ZNF586: variants seen among roughly 807,000 people sequenced by gnomAD.
ZNF586 encodes the protein zinc finger protein 586.
In ZNF586, 7 loss-of-function variants were observed where a neutral mutation model predicts 6.7. The observed-to-expected ratio is 1.04, with a 90% CI of 0.59 to 1.95. The LOEUF (loss-of-function observed/expected upper bound fraction) is 1.95. ZNF586 is among the 30% of genes most tolerant of loss of function. ZNF586 has a pLI of 0.00. For synonymous variants in ZNF586, 166 were observed against 168.7 expected, an observed-to-expected ratio of 0.98 and a Z score of 0.12; for missense variants, 442 against 489.6, an observed-to-expected ratio of 0.90 and a Z score of 0.92.
chr19:57,778,127 A>G (rs566544457), intron 2 of ZNF586, among the ~76,000 whole-genome samples: 3 of 145,358 alleles, frequency 2.1e-5, no homozygotes, highest in Admixed American at 1.4e-4. Context: ...GCTGGAGTGC[A>G]GTGGCACAGT....
chr19:57,776,712 C>T (rs375294114), intron 2 of ZNF586, 43 bp downstream of exon 2: 2 of 1,549,254 alleles, frequency 1.3e-6, no homozygotes, highest in African/African-American at 2.8e-5. Context: ...TAGTCTGTGC[C>T]CCTCACCTTT....
chr19:57,776,750 C>T (rs1987248109), intron 2 of ZNF586, 81 bp downstream of exon 2: 1 of 1,434,518 alleles, frequency 7.0e-7, no homozygotes, highest in Admixed American at 2.3e-5. Flanking sequence ...CACACCAGGA[C>T]CATGGACACA....
In ZNF586 at chr19:57,778,962, C is replaced by A; in HGVS notation, c.375C>A (p.Ser125Arg). ...VRTGERPYEC[S>R]KYGKLFHQKP... ...CTGGAGAAAGGCCTTATGAGTGCAG[C>A]AAATATGGGAAATTATTTCACCAAA... Residue 125 changes from serine to arginine, a missense_variant, in exon 3 of 3, where the codon AGC becomes AGA. Transcript: ENST00000396154. 6.2e-7 allele frequency: 1 copy of A among 1,611,916 alleles called. No homozygotes were observed. The highest frequency in any genetic ancestry group is 1.7e-4 in the Middle Eastern group (1 of 6,054).
chr19:57,770,452 G>A (rs1210601021), intron 1 of ZNF586, among the ~76,000 whole-genome samples: 1 of 152,202 alleles, frequency 6.6e-6, no homozygotes, highest in African/African-American at 2.4e-5. Flanking sequence ...TCAGTACCAG[G>A]CTGAGGGTTG....
At position 57,779,666 on chromosome 19, in the gene ZNF586, T is replaced by G. The variant is rs1568484589; in HGVS notation, c.1079T>G (p.Leu360Arg). The change falls in exon 3 of 3, where the codon CTT (leucine) becomes CGT (arginine). Residue 360 changes from leucine (L) to arginine (R), a missense_variant. Coordinates refer to ENST00000396154, the MANE Select transcript of ZNF586 (RefSeq NM_017652.4). ...CGKSFAENSS[L>R]IKHLRVHTGE... is the part of the protein sequence containing the mutation. The stretch of plus-strand genomic sequence containing the variant: ...AAATCCTTTGCTGAAAACTCCAGCC[T>G]TATTAAACACTTGAGAGTTCACACT... 6 of 1,613,838 alleles carry G rather than the reference T, an allele frequency of 3.7e-6. No homozygotes were observed. Among genetic ancestry groups the G allele is most frequent in the Non-Finnish European group, 5.1e-6 (6 of 1,179,768 alleles).
chr19:57,775,003 CTTT>C (rs11310885), intron 1 of ZNF586, among the ~76,000 whole-genome samples: 6 of 141,706 alleles, frequency 4.2e-5, no homozygotes, highest in Admixed American at 7.0e-5. Flanking sequence ...TTCTTTTTTT[CTTT>C]TTTTTTTTTT....
chr19:57,778,894 C>T lies in ZNF586; in HGVS notation c.307C>T (p.Leu103Phe). 6.2e-7 allele frequency: 1 copy of T among 1,614,142 alleles called. No individual in the cohort carries two copies. Among genetic ancestry groups the T allele is most frequent in the African/African-American group, 1.3e-5 (1 of 75,012 alleles). The change falls in exon 3 of 3, where the codon CTC becomes TTC. Residue 103 changes from leucine (L) to phenylalanine (F), a missense_variant. Leu to Phe is a conservative substitution (Grantham distance 22). Coordinates refer to ENST00000396154, the MANE Select transcript of ZNF586 (RefSeq NM_017652.4). Reference sequence around the variant, plus strand: ...GAAATTATTTAAGAACAAGTCCTGCCTCACTGAACCCAGAAGAGATCACAA... The same window carrying T: ...GAAATTATTTAAGAACAAGTCCTGCTTCACTGAACCCAGAAGAGATCACAA... ...YRKLFKNKSC[L>F]TEPRRDHKHR...
chr19:57,772,493 C>T (rs1173629819), intron 1 of ZNF586, among the ~76,000 whole-genome samples: 1 of 105,708 alleles, frequency 9.5e-6, no homozygotes, highest in Non-Finnish European at 1.8e-5. Flanking sequence ...TCACAAGCCC[C>T]AGGATGTTTT....
chr19:57,775,656 G>A (rs1347567106), intron 1 of ZNF586, among the ~76,000 whole-genome samples: 2 of 143,166 alleles, frequency 1.4e-5, no homozygotes, highest in African/African-American at 2.6e-5. Context: ...AGGCTAGAGT[G>A]CAGTGGTGCC....
intron 1 of ZNF586, among the ~76,000 whole-genome samples, chr19:57,770,282 G>C (rs939784557): frequency 6.7e-6 from 1 of 148,732 alleles, no homozygotes; most frequent in African/African-American, 2.5e-5. Flanking sequence ...TCAGCCTCCC[G>C]AGTAGCTGGG....
Position 57,779,525 on chromosome 19 carries a change from C to T in ZNF586, c.938C>T (p.Thr313Ile). 1 of 1,613,952 alleles carries T rather than the reference C, an allele frequency of 6.2e-7. No homozygotes were observed. Among genetic ancestry groups the T allele is most frequent in the African/African-American group, 1.3e-5 (1 of 74,954 alleles). The change falls in exon 3 of 3, where the codon ACT (threonine) becomes ATT (isoleucine). Residue 313 changes from threonine (T) to isoleucine (I), a missense_variant. Physicochemically the swap from Thr to Ile is moderately conservative, Grantham distance 89 (BLOSUM62 -1). Transcript: ENST00000396154. ...SNLIHHQRVHTGERHECGQCG... is the reference protein window; with the variant it reads ...SNLIHHQRVHIGERHECGQCG... ...CTCATTCACCATCAGCGAGTTCATA[C>T]TGGAGAAAGGCATGAGTGCGGGCAG... is the stretch of plus-strand genomic sequence containing the variant.
intron 1 of ZNF586, 60 bp from the exon 2 acceptor site, chr19:57,776,483 T>C: frequency 1.3e-6 from 2 of 1,552,820 alleles, no homozygotes; most frequent in Non-Finnish European, 8.7e-7. Context: ...GTTGGGGAAG[T>C]GGACTGTGGG....
intron 2 of ZNF586, among the ~76,000 whole-genome samples, chr19:57,777,027 C>T (rs1987254512): frequency 6.6e-6 from 1 of 152,132 alleles, no homozygotes; most frequent in African/African-American, 2.4e-5. Flanking sequence ...TACGAATTGT[C>T]GTCACTGATG....
intron 1 of ZNF586, among the ~76,000 whole-genome samples, 179 bp from the exon 2 acceptor site, chr19:57,776,364 G>C (rs563584618): frequency 1.3e-5 from 2 of 152,258 alleles, no homozygotes; most frequent in African/African-American, 4.8e-5. Flanking sequence ...GTTGCTGACG[G>C]CTATGTGTCA....
At chr19:57,771,927 C>G (rs865852214) in intron 1 of ZNF586, among the ~76,000 whole-genome samples, 2 of 152,068 alleles carry the variant, frequency 1.3e-5, no homozygotes, top group Admixed American at 1.3e-4. Flanking sequence ...TGAGTTCAAG[C>G]GATTCTCCTG....
chr19:57,770,670 G>A (rs1349168746), intron 1 of ZNF586, among the ~76,000 whole-genome samples: 1 of 152,098 alleles, frequency 6.6e-6, no homozygotes, highest in Non-Finnish European at 1.5e-5. Flanking sequence ...CTGGCTGCAG[G>A]GCCAAAAAAA....
Position 57,780,230 on chromosome 19 carries a change from ATT to A in ZNF586, c.*436_*437del, listed in dbSNP as rs1987354217. 1 of 169,590 alleles carries A rather than the reference ATT, an allele frequency of 5.9e-6. No homozygotes were observed. Among genetic ancestry groups the A allele is most frequent in the East Asian group, 1.7e-4 (1 of 5,998 alleles). 10.5% of individuals were successfully genotyped at this position (169,590 alleles called of 1,614,324 possible). ...GACTTACAGTTCTCTTCTAAAAAGC[ATT>A]TCACCTTTACCACTTGGCAGGTGCC... On this transcript the variant is annotated 3_prime_UTR_variant, in exon 3 of 3. Transcript: ENST00000396154.
chr19:57,777,894 T>C (rs954179549), intron 2 of ZNF586, among the ~76,000 whole-genome samples: 2 of 150,168 alleles, frequency 1.3e-5, no homozygotes, highest in African/African-American at 4.9e-5. Flanking sequence ...TAGCTAGGAT[T>C]ACAGGGGCCC....
Position 57,769,738 on chromosome 19 carries a change from T to C in ZNF586, c.-105T>C. ...AGCTCGGGAGGAGTGGTTGTGGCCA[T>C]TGCACACAGGCGGATCTGAGGTTCG... On this transcript the variant is annotated 5_prime_UTR_variant, in exon 1 of 3. Transcript: ENST00000396154. 1 of 1,252,544 alleles carries C rather than the reference T, an allele frequency of 8.0e-7. No individual in the cohort carries two copies. The highest frequency in any genetic ancestry group is 1.1e-6 in the Non-Finnish European group (1 of 885,102). The allele number at this position is 1,252,544 out of a possible 1,614,324, so 77.6% of individuals were successfully genotyped here. A position where few individuals can be genotyped will look rare whatever the true frequency, so the allele number is the denominator to read the frequency against.
Sources: allele counts gnomAD v4.1 joint callset (sites outside exome capture counted in the v4.1 genomes callset), GRCh38; gene constraint gnomAD v4.1.1; transcripts MANE v1.5; gene names NCBI Gene and HGNC (gene_info 2026-07-23, HGNC 2026-07-21).